Variants in ALCAM observed in about 807,000 individuals in gnomAD.
ALCAM encodes the protein activated leukocyte cell adhesion molecule.
A neutral mutation model predicts 70.9 loss-of-function variants in ALCAM; 30 were observed. The observed-to-expected ratio is 0.42, with a 90% CI of 0.32 to 0.57. The LOEUF is 0.57. Ranked by LOEUF, ALCAM falls within the 20% of genes least tolerant of loss-of-function variation. The pLI is 0.11. For missense variants in ALCAM, 591 were observed against 695.1 expected (o/e 0.85, Z 1.68); for synonymous variants, 249 against 242.5 (o/e 1.03, Z -0.25).
chr3:105,394,448 G>T lies in ALCAM; in HGVS notation c.73+26967G>T, dbSNP rs113585628. On this transcript the variant is annotated intron_variant, in intron 1 of 15. Transcript: ENST00000306107. ...GTGCCTAGGCTTTTCTGAATCCCTG[G>T]TTCTCTTTTCAACAGGCCCATAGAA... Among the ~76,000 whole-genome samples the T allele has an allele frequency of 2.0e-5, 3 of 151,978 alleles. No homozygotes were observed. In the East Asian group the frequency reaches 5.8e-4, roughly 30 times the overall value.
intron 12 of ALCAM, among the ~76,000 whole-genome samples, chr3:105,551,582 T>C (rs180698066): frequency 7.3e-4 from 110 of 151,724 alleles, no homozygotes; most frequent in African/African-American, 2.6e-3. Context: ...ATTCTTAAAA[T>C]GGACAAAGAG....
At chr3:105,559,526 T>C (rs1940589576) in intron 14 of ALCAM, among the ~76,000 whole-genome samples, 1 of 151,918 alleles carries the variant, frequency 6.6e-6, no homozygotes, top group African/African-American at 2.4e-5. Flanking sequence ...AAGAGAGCTC[T>C]CCAAAGTCCC....
At chr3:105,572,984 T>C (rs559723524) in intron 15 of ALCAM, among the ~76,000 whole-genome samples, 4 of 152,326 alleles carry the variant, frequency 2.6e-5, no homozygotes, top group Admixed American at 2.6e-4. Context: ...TCTAATACCT[T>C]AGATTTGTTT....
chr3:105,398,542 A>C (rs1211743431), intron 1 of ALCAM, among the ~76,000 whole-genome samples: 1 of 152,102 alleles, frequency 6.6e-6, no homozygotes, highest in African/African-American at 2.4e-5. Context: ...GTAGCCATCC[A>C]GTTTTCCATA....
intron 3 of ALCAM, chr3:105,525,449 T>C (rs1939678125): frequency 1.3e-6 from 1 of 748,676 alleles, no homozygotes; most frequent in Non-Finnish European, 1.6e-6. Flanking sequence ...GAAACAGGTC[T>C]CAAAAGTTTC....
intron 1 of ALCAM, among the ~76,000 whole-genome samples, chr3:105,383,516 T>C (rs1935578424): frequency 1.3e-5 from 2 of 151,824 alleles, no homozygotes; most frequent in African/African-American, 4.8e-5. Flanking sequence ...TATAATGTTG[T>C]ATGAATAAGA....
rs541713236 is a variant in ALCAM, at chr3:105,384,559, G to A, written c.73+17078G>A. ...TTGTTAGTAAATTTTTACTTCTTTG[G>A]TCTCTGAGGCAAGCTGTCTTCTGAA... On this transcript the variant is annotated intron_variant, in intron 1 of 15. Coordinates refer to ENST00000306107, the MANE Select transcript of ALCAM (RefSeq NM_001627.4). Among the ~76,000 whole-genome samples, 23 of 150,886 alleles carry A rather than the reference G, an allele frequency of 1.5e-4. No individual in the cohort carries two copies. In the South Asian group the frequency reaches 4.8e-3, roughly 32 times the overall value.
Position 105,524,302 on chromosome 3 carries a change from G to C in ALCAM, c.188G>C (p.Gly63Ala). 3 of 1,613,176 alleles carry C rather than the reference G, an allele frequency of 1.9e-6. No homozygotes were observed. The highest frequency in any genetic ancestry group is 2.5e-6 in the Non-Finnish European group (3 of 1,179,466). Reference protein sequence around the residue: ...FGKWKYEKPDGSPVFIAFRSS... With the variant: ...FGKWKYEKPDASPVFIAFRSS... ...TTTAATTTTTAGGAAAAGCCCGATG[G>C]CTCCCCAGTATTTATTGCCTTCAGA... Residue 63 changes from glycine (G) to alanine (A), a missense_variant, in exon 3 of 16, where the codon GGC becomes GCC. Physicochemically the swap from Gly to Ala is moderately conservative, Grantham distance 60. Transcript: ENST00000306107.
intron 14 of ALCAM, among the ~76,000 whole-genome samples, chr3:105,559,141 A>T (rs956154633): frequency 6.0e-5 from 9 of 149,260 alleles, no homozygotes; most frequent in Admixed American, 4.7e-4. Flanking sequence ...ATCATAATTT[A>T]TATTTTATAA....
intron 1 of ALCAM, among the ~76,000 whole-genome samples, chr3:105,491,450 A>G (rs755615281): frequency 1.3e-5 from 2 of 152,340 alleles, no homozygotes; most frequent in African/African-American, 2.4e-5. Context: ...TTCCTTTTCT[A>G]TCGCATCATC....
chr3:105,429,448 G>A (rs1936872725), intron 1 of ALCAM, among the ~76,000 whole-genome samples: 1 of 151,930 alleles, frequency 6.6e-6, no homozygotes, highest in African/African-American at 2.4e-5. Context: ...ATTATTAAAG[G>A]TAATGACCTG....
chr3:105,550,533 T>A (rs1383372296), intron 12 of ALCAM, among the ~76,000 whole-genome samples: 1 of 151,540 alleles, frequency 6.6e-6, no homozygotes, highest in East Asian at 1.9e-4. Context: ...GAATAAAAAA[T>A]AAGTTTCTCT....
At chr3:105,534,993 T>C in intron 6 of ALCAM, 148 bp downstream of exon 6, 1 of 688,078 alleles carries the variant, frequency 1.5e-6, no homozygotes, top group Non-Finnish European at 2.4e-6. Context: ...AATCTCTTCC[T>C]CTTTAGGAGA....
In ALCAM at chr3:105,524,267, GTAT is replaced by G; in HGVS notation, c.175-14_175-12del. The G allele has an allele frequency of 6.4e-7, 1 of 1,574,272 alleles. No individual in the cohort carries two copies. The highest frequency in any genetic ancestry group is 8.7e-7 in the Non-Finnish European group (1 of 1,152,020). ...CATCTGAATATGCTTGTGTTTAAAT[GTAT>G]TATTATTTTAATTTTTAGGAAAAGC... is the stretch of plus-strand genomic sequence containing the variant. On this transcript the variant is annotated intron_variant, in intron 2 of 15. Coordinates refer to ENST00000306107, the MANE Select transcript of ALCAM (RefSeq NM_001627.4).
chr3:105,545,000 A>C (rs1405019325), intron 8 of ALCAM: 14 of 447,858 alleles, frequency 3.1e-5, no homozygotes, highest in Non-Finnish European at 4.2e-5. Context: ...ATAAATGGAT[A>C]ATCAATTAGA....
chr3:105,520,333 AT>A (rs1939502558), intron 2 of ALCAM, among the ~76,000 whole-genome samples, 166 bp downstream of exon 2: 1 of 152,244 alleles, frequency 6.6e-6, no homozygotes, highest in African/African-American at 2.4e-5. Context: ...AATAATTCCT[AT>A]CTTACATAAC....
At chr3:105,518,166 C>G (rs2152622114) in intron 1 of ALCAM, among the ~76,000 whole-genome samples, 1 of 152,124 alleles carries the variant, frequency 6.6e-6, no homozygotes, top group East Asian at 1.9e-4. Context: ...GGTACCTAAG[C>G]TCTGTAAACT....
intron 14 of ALCAM, among the ~76,000 whole-genome samples, chr3:105,566,384 C>A (rs1940743717): frequency 6.6e-6 from 1 of 152,112 alleles, no homozygotes; most frequent in Admixed American, 6.5e-5. Context: ...TTATTAGGTG[C>A]ATATACTTAC....
chr3:105,458,376 C>T (rs991566399), intron 1 of ALCAM, among the ~76,000 whole-genome samples: 5 of 152,134 alleles, frequency 3.3e-5, no homozygotes, highest in African/African-American at 1.2e-4. Flanking sequence ...TTGTAAGGTA[C>T]GCAGGCATGC....
Sources: gnomAD v4.1 joint callset for allele counts (sites outside exome capture counted in the v4.1 genomes callset) on GRCh38, gnomAD v4.1.1 for gene constraint, MANE v1.5 for transcripts, NCBI Gene and HGNC (gene_info 2026-07-23, HGNC 2026-07-21) for gene names.